CRMP1: variants seen among roughly 807,000 people sequenced by gnomAD.
CRMP1 encodes collapsin response mediator protein 1.
A neutral mutation model predicts 68.3 loss-of-function variants in CRMP1; 19 were observed. The observed-to-expected ratio is 0.28, with a 90% CI of 0.19 to 0.41. CRMP1 has a LOEUF of 0.41. CRMP1 is among the 10% of genes least tolerant of loss of function. The pLI is 1.00. For missense variants in CRMP1, 791 were observed against 967.4 expected (o/e 0.82, Z 2.42); for synonymous variants, 439 against 399.6 (o/e 1.10, Z -1.18).
Position 5,883,252 on chromosome 4 carries a change from C to T in CRMP1, c.381+9337G>A, listed in dbSNP as rs13111450. On this transcript the variant is annotated intron_variant, in intron 1 of 13. Coordinates refer to ENST00000324989, the MANE Select transcript of CRMP1 (RefSeq NM_001014809.3). The surrounding 1 kb of genome is among the most constrained non-coding windows in gnomAD (Gnocchi z 4.5). Reference sequence around the variant, plus strand: ...CCTGCTTTCCTTCCTTCCTTCCTTCCTTCCTTCCTCCCTCCCTCCCTCCCT... The same window carrying T: ...CCTGCTTTCCTTCCTTCCTTCCTTCTTTCCTTCCTCCCTCCCTCCCTCCCT... Among the ~76,000 whole-genome samples the T allele has an allele frequency of 1.7e-4, 21 of 122,042 alleles. No individual in the cohort carries two copies. The highest frequency in any genetic ancestry group is 2.9e-4 in the Non-Finnish European group (16 of 54,844). The allele number at this position is 122,042 out of a possible 152,430, so 80.1% of individuals were successfully genotyped here.
At chr4:5,882,645 C>T (rs1264970702) in intron 1 of CRMP1, among the ~76,000 whole-genome samples, 1 of 152,216 alleles carries the variant, frequency 6.6e-6, no homozygotes, top group Non-Finnish European at 1.5e-5. Context: ...GAATAAGTGA[C>T]TTGTCCAATT....
In CRMP1 at chr4:5,892,356, C is replaced by A. The variant is rs753035019; in HGVS notation, c.381+233G>T. On this transcript the variant is annotated intron_variant, in intron 1 of 13. Coordinates refer to ENST00000324989, the MANE Select transcript of CRMP1 (RefSeq NM_001014809.3). The surrounding 1 kb of genome is among the most constrained non-coding windows in gnomAD (Gnocchi z 8.6). ...TGTAGAAGAGGAGCCGGGACTGGAC[C>A]CGGGCGATCCCTTCCGAGTCTCACG... Among the ~76,000 whole-genome samples the A allele has an allele frequency of 6.6e-6, 1 of 152,222 alleles. No individual in the cohort carries two copies. The highest frequency in any genetic ancestry group is 1.5e-5 in the Non-Finnish European group (1 of 68,042).
intron 12 of CRMP1, among the ~76,000 whole-genome samples, chr4:5,827,429 T>C (rs928642533): frequency 1.3e-5 from 2 of 152,102 alleles, no homozygotes; most frequent in African/African-American, 4.8e-5. Flanking sequence ...TGCTACACCT[T>C]ATGGAAGCTG....
At chr4:5,852,892 C>T (rs995021963) in intron 4 of CRMP1, among the ~76,000 whole-genome samples, 4 of 152,118 alleles carry the variant, frequency 2.6e-5, no homozygotes, top group Non-Finnish European at 1.5e-5. Flanking sequence ...TAGGAAAAGG[C>T]AGGGAGACTG....
chr4:5,844,472 C>T lies in CRMP1; in HGVS notation c.964-1311G>A, dbSNP rs534170959. On this transcript the variant is annotated intron_variant, in intron 6 of 13. Coordinates refer to ENST00000324989, the MANE Select transcript of CRMP1 (RefSeq NM_001014809.3). ...ATGACATGATGAAGAAAAACAAAGA[C>T]GAGAGTAGGATTTCTAGTCTAAAAT... Among the ~76,000 whole-genome samples, 8 of 152,146 alleles carry T rather than the reference C, an allele frequency of 5.3e-5. No individual in the cohort carries two copies. In the South Asian group the frequency reaches 6.2e-4, roughly 12 times the overall value.
At chr4:5,886,051 A>G (rs1715562747) in intron 1 of CRMP1, among the ~76,000 whole-genome samples, 1 of 152,242 alleles carries the variant, frequency 6.6e-6, no homozygotes, top group African/African-American at 2.4e-5. Context: ...GGTCCTATAC[A>G]GTGAAGCCCC....
chr4:5,840,668 C>T (rs185806039), intron 8 of CRMP1, among the ~76,000 whole-genome samples: 119 of 152,314 alleles, frequency 7.8e-4, no homozygotes, highest in African/African-American at 2.8e-3. Context: ...TAGATAGCCA[C>T]GTGTGGTTAG....
Position 5,890,920 on chromosome 4 carries a change from C to T in CRMP1, c.381+1669G>A, listed in dbSNP as rs1715913255. ...GAAGGCCGGAAGAAGACGGCCACCC[C>T]CATCTGACAGATGGAGAAGCTGAGG... On this transcript the variant is annotated intron_variant, in intron 1 of 13. Transcript: ENST00000324989. The surrounding 1 kb of genome is among the most constrained non-coding windows in gnomAD (Gnocchi z 5.5). Among the ~76,000 whole-genome samples the T allele has an allele frequency of 6.6e-6, 1 of 152,148 alleles. No homozygotes were observed. The highest frequency in any genetic ancestry group is 1.5e-5 in the Non-Finnish European group (1 of 68,030).
chr4:5,848,489 A>T (rs1577783887), intron 6 of CRMP1, among the ~76,000 whole-genome samples: 1 of 152,138 alleles, frequency 6.6e-6, no homozygotes, highest in African/African-American at 2.4e-5. Flanking sequence ...CACAACTCCC[A>T]GCTTTCATTC....
chr4:5,831,521 T>C (rs1489082509), intron 11 of CRMP1, among the ~76,000 whole-genome samples: 1 of 152,136 alleles, frequency 6.6e-6, no homozygotes, highest in African/African-American at 2.4e-5. Flanking sequence ...CTAAAGTGGC[T>C]CCACTATGGA....
At chr4:5,832,794 A>G (rs567373749) in intron 11 of CRMP1, among the ~76,000 whole-genome samples, 56 of 152,292 alleles carry the variant, frequency 3.7e-4, no homozygotes, top group Admixed American at 3.3e-3. Context: ...GGTATATTAC[A>G]TATTGTTATG....
At position 5,888,611 on chromosome 4, in the gene CRMP1, C is replaced by G. The variant is rs1715778577; in HGVS notation, c.381+3978G>C. The G allele has an allele frequency of 9.8e-7, 1 of 1,022,292 alleles. No individual in the cohort carries two copies. The highest frequency in any genetic ancestry group is 4.6e-5 in the South Asian group (1 of 21,606). The allele number at this position is 1,022,292 out of a possible 1,614,324, so 63.3% of individuals were successfully genotyped here. A position where few individuals can be genotyped will look rare whatever the true frequency, so the allele number is the denominator to read the frequency against. ...CTCGAACCAGGAAGCGCTTCCCTTC[C>G]GATCTCCCACCCCGCCCCCCGCCCC... On this transcript the variant is annotated intron_variant, in intron 1 of 13. Transcript: ENST00000324989. This position sits in a 1 kb window ranked among gnomAD's most constrained non-coding sequence, Gnocchi z 6.4.
At position 5,838,619 on chromosome 4, in the gene CRMP1, G is replaced by A. The variant is rs754642702; in HGVS notation, c.1310+903C>T. On this transcript the variant is annotated intron_variant, in intron 9 of 13. Transcript: ENST00000324989. This position sits in a 1 kb window ranked among gnomAD's most constrained non-coding sequence, Gnocchi z 4.9. ...AAGACTGTGGGACTAGCAGCTTTAT[G>A]GGGGAAGATCTGCAGTTCTTTGTAA... Among the ~76,000 whole-genome samples the A allele has an allele frequency of 1.3e-5, 2 of 152,052 alleles. No individual in the cohort carries two copies. Among genetic ancestry groups the A allele is most frequent in the Non-Finnish European group, 2.9e-5 (2 of 68,022 alleles).
intron 4 of CRMP1, among the ~76,000 whole-genome samples, chr4:5,852,917 A>G (rs1032183385): frequency 1.3e-5 from 2 of 152,134 alleles, no homozygotes; most frequent in African/African-American, 4.8e-5. Context: ...TGAAGGGGCC[A>G]GTACTCACTC....
chr4:5,841,316 C>T lies in CRMP1; in HGVS notation c.1145G>A (p.Arg382Lys). The T allele has an allele frequency of 6.2e-7, 1 of 1,613,960 alleles. No homozygotes were observed. Among genetic ancestry groups the T allele is most frequent in the Non-Finnish European group, 8.5e-7 (1 of 1,179,994 alleles). ...CAGGGCCGGCTGCATACCTTTCTTC[C>T]TGGCCAGAGCGATGATGTCGGCTGC... ...KSAADIIALA[R>K]KKGPLVFGEP... Residue 382 changes from arginine to lysine, a missense_variant, in exon 8 of 14, where the codon AGG becomes AAG. Transcript: ENST00000324989. This position sits in a 1 kb window ranked among gnomAD's most constrained non-coding sequence, Gnocchi z 6.9.
Position 5,825,555 on chromosome 4 carries a change from C to A in CRMP1, c.1908G>T (p.Ser636=). 1 of 1,595,702 alleles carries A rather than the reference C, an allele frequency of 6.3e-7. No homozygotes were observed. Among genetic ancestry groups the A allele is most frequent in the Non-Finnish European group, 8.5e-7 (1 of 1,173,696 alleles). ...TGGGTGGGGGCTGGTGTTTAGAAGG[C>A]GAAGATTTGGCTGAAGGAGCGGGAG... is the stretch of plus-strand genomic sequence containing the variant. ...YATPAPSAKS[S]PSKHQPPPIR... Residue 636 remains serine (S), a synonymous_variant, in exon 13 of 14, where the codon TCG becomes TCT. Coordinates refer to ENST00000324989, the MANE Select transcript of CRMP1 (RefSeq NM_001014809.3). This position sits in a 1 kb window ranked among gnomAD's most constrained non-coding sequence, Gnocchi z 4.4.
At chr4:5,840,007 A>G (rs1560494287) in intron 8 of CRMP1, among the ~76,000 whole-genome samples, 1 of 152,160 alleles carries the variant, frequency 6.6e-6, no homozygotes, top group Admixed American at 6.5e-5. Context: ...TGGAGACACG[A>G]TTTACTCTCT....
At chr4:5,880,324 T>C (rs1256225811) in intron 1 of CRMP1, among the ~76,000 whole-genome samples, 4 of 152,236 alleles carry the variant, frequency 2.6e-5, no homozygotes, top group Admixed American at 6.5e-5. Context: ...GTTGAGGTTA[T>C]AGAAATCAAA....
rs373059517 is a variant in CRMP1 at position 5,825,662 on chromosome 4, A to G, written c.1804-3T>C. ...GAAACCCCTTGCAATCCAAAAACCTAAACAGAGGAAGGGAGAGTGTGATTG... is the reference window on the plus strand; with the variant it reads ...GAAACCCCTTGCAATCCAAAAACCTGAACAGAGGAAGGGAGAGTGTGATTG... On this transcript the variant is annotated splice_polypyrimidine_tract_variant and splice_region_variant and intron_variant, in intron 12 of 13. Coordinates refer to ENST00000324989, the MANE Select transcript of CRMP1 (RefSeq NM_001014809.3). The surrounding 1 kb of genome is among the most constrained non-coding windows in gnomAD (Gnocchi z 4.4). The G allele has an allele frequency of 5.4e-5, 87 of 1,612,428 alleles. No homozygotes were observed. Among genetic ancestry groups the G allele is most frequent in the Non-Finnish European group, 7.1e-5 (84 of 1,179,368 alleles).
Sources: allele counts gnomAD v4.1 joint callset (sites outside exome capture counted in the v4.1 genomes callset), GRCh38; gene constraint gnomAD v4.1.1; non-coding constraint Gnocchi (gnomAD v3.1); transcripts MANE v1.5; gene names NCBI Gene and HGNC (gene_info 2026-07-23, HGNC 2026-07-21).